Variants in EDC3 observed in about 807,000 individuals in gnomAD.
The protein encoded by EDC3 is enhancer of mRNA-decapping protein 3.
EDC3 carries 20 observed loss-of-function variants against 41.8 expected under a neutral mutation model. That is an observed-to-expected ratio of 0.48 (90% CI 0.34 to 0.70). The LOEUF is 0.70. Among genes scored for constraint, EDC3 ranks in the 30% least tolerant of loss-of-function variants. The pLI, the probability that EDC3 is intolerant of heterozygous loss-of-function variation, is 0.01. For missense variants in EDC3, 444 were observed against 636.8 expected, an observed-to-expected ratio of 0.70 and a Z score of 3.26; for synonymous variants, 206 against 243.2, an observed-to-expected ratio of 0.85 and a Z score of 1.42.
chr15:74,635,311 T>C (rs772687489), intron 6 of EDC3, 98 bp downstream of exon 6: 7 of 1,115,118 alleles, frequency 6.3e-6, no homozygotes, highest in Non-Finnish European at 9.6e-6. Context: ...CTTACACACG[T>C]AGTGCCTTTC....
chr15:74,663,739 A>C (rs2062648035), intron 3 of EDC3, among the ~76,000 whole-genome samples: 1 of 151,996 alleles, frequency 6.6e-6, no homozygotes, highest in South Asian at 2.1e-4. Context: ...TACCCACTTC[A>C]TATCATGCCA....
intron 3 of EDC3, among the ~76,000 whole-genome samples, chr15:74,662,176 AC>A (rs938809132): frequency 2.0e-5 from 3 of 152,032 alleles, no homozygotes; most frequent in African/African-American, 7.3e-5. Context: ...ATCTTTGACT[AC>A]CCTTGCTAAA....
intron 4 of EDC3, among the ~76,000 whole-genome samples, chr15:74,646,827 G>C (rs1172429662): frequency 6.6e-6 from 1 of 152,120 alleles, no homozygotes; most frequent in Non-Finnish European, 1.5e-5. Context: ...GGAAGCTATA[G>C]GATAGCATAA....
At chr15:74,686,460 C>A (rs528234715) in intron 1 of EDC3, among the ~76,000 whole-genome samples, 1 of 151,960 alleles carries the variant, frequency 6.6e-6, no homozygotes, top group Non-Finnish European at 1.5e-5. Context: ...GCACTCCAGC[C>A]TGGGCAACAA....
Position 74,632,968 on chromosome 15 carries a change from T to G in EDC3, c.1193-22A>C. 6.2e-7 allele frequency: 1 copy of G among 1,609,518 alleles called. No individual in the cohort carries two copies. Among genetic ancestry groups the G allele is most frequent in the Non-Finnish European group, 8.5e-7 (1 of 1,176,878 alleles). ...AGATCTGCAGGTGGAAAGAGTGCCA[T>G]CTGAAAGTCCCTATGAGCAGAGAGC... On this transcript the variant is annotated intron_variant, in intron 6 of 6. Coordinates refer to ENST00000315127, the MANE Select transcript of EDC3 (RefSeq NM_025083.5). The surrounding 1 kb of genome is among the most constrained non-coding windows in gnomAD (Gnocchi z 4.0).
intron 1 of EDC3, among the ~76,000 whole-genome samples, chr15:74,678,785 G>A (rs1344456532): frequency 1.3e-5 from 2 of 151,252 alleles, no homozygotes; most frequent in African/African-American, 4.9e-5. Flanking sequence ...AGCTACTCAA[G>A]AGGCTGAGGC....
intron 5 of EDC3, chr15:74,640,183 A>C (rs924255400): frequency 1.1e-5 from 4 of 356,166 alleles, no homozygotes; most frequent in Admixed American, 9.1e-5. Context: ...TCCTAGAAGG[A>C]AGGCTTCTGA....
chr15:74,646,952 A>C (rs1214125736), intron 4 of EDC3, among the ~76,000 whole-genome samples: 6 of 152,066 alleles, frequency 3.9e-5, no homozygotes, highest in Non-Finnish European at 5.9e-5. Context: ...CTGCTACAGA[A>C]CACAGTGTCT....
intron 4 of EDC3, among the ~76,000 whole-genome samples, chr15:74,652,017 T>C (rs117411324): frequency 5.3e-4 from 80 of 152,296 alleles, no homozygotes; most frequent in South Asian, 2.9e-3. Context: ...GCTGACTGCT[T>C]TGACTCCTGC....
chr15:74,647,898 C>T (rs1170827107), intron 4 of EDC3, among the ~76,000 whole-genome samples: 1 of 152,158 alleles, frequency 6.6e-6, no homozygotes, highest in African/African-American at 2.4e-5. Context: ...AGAACACCAC[C>T]CAGAATTTAT....
chr15:74,643,210 T>C (rs1309934387), intron 4 of EDC3: 2 of 152,162 alleles, frequency 1.3e-5, no homozygotes, highest in African/African-American at 2.4e-5. Context: ...AGCGTGTAAA[T>C]TGCAAACAAC....
chr15:74,641,714 A>C (rs368050738), intron 4 of EDC3: 3 of 153,066 alleles, frequency 2.0e-5, no homozygotes, highest in East Asian at 3.9e-4. Flanking sequence ...CAGCTAGATC[A>C]GGTACCTTTT....
chr15:74,667,514 CAGTAGT>C (rs56137119), intron 3 of EDC3, among the ~76,000 whole-genome samples: 3 of 119,430 alleles, frequency 2.5e-5, no homozygotes, highest in African/African-American at 3.3e-5. Context: ...GCAGCAGCAG[CAGTAGT>C]AGTAGTAGTA....
rs558488652 is a variant in EDC3, at chr15:74,677,386, T to C, written c.-18-2244A>G. The stretch of plus-strand genomic sequence containing the variant: ...TTTTTTTTTTTTTTTTTTTGGAGAC[T>C]GAGTCTCACTCTATCTTTATCGCCC... On this transcript the variant is annotated intron_variant, in intron 1 of 6. Transcript: ENST00000315127. Among the ~76,000 whole-genome samples, 15 of 141,976 alleles carry C rather than the reference T, an allele frequency of 1.1e-4. No homozygotes were observed. The East Asian group carries it at 2.7e-3, about 26-fold the overall frequency. The allele number at this position is 141,976 out of a possible 152,430, so 93.1% of individuals were successfully genotyped here.
chr15:74,672,058 G>A (rs928352454), intron 2 of EDC3, among the ~76,000 whole-genome samples: 13 of 150,936 alleles, frequency 8.6e-5, no homozygotes, highest in African/African-American at 1.7e-4. Context: ...TCAGGAGATC[G>A]AGACCATCCC....
chr15:74,633,999 G>A (rs915354952), intron 6 of EDC3, among the ~76,000 whole-genome samples: 1 of 152,144 alleles, frequency 6.6e-6, no homozygotes, highest in African/African-American at 2.4e-5. Context: ...TTCTGGTCCA[G>A]GCTTTGCCCT....
In EDC3 at chr15:74,655,868, T is replaced by G; in HGVS notation, c.685A>C (p.Ser229Arg). The G allele has an allele frequency of 6.2e-7, 1 of 1,614,178 alleles. No homozygotes were observed. The highest frequency in any genetic ancestry group is 8.5e-7 in the Non-Finnish European group (1 of 1,180,028). Residue 229 changes from serine to arginine, a missense_variant, in exon 4 of 7, where the codon AGT (serine) becomes CGT (arginine). This residue lies in a region of EDC3 where 242 missense variants were observed against 363.8 expected (regional missense o/e 0.67). Transcript: ENST00000315127. ...FEEIDTYERRSGTRSRGIPNE... is the reference protein window; with the variant it reads ...FEEIDTYERRRGTRSRGIPNE... ...GGGATGCCCCGGGAACGGGTACCACTTCTCCTTTCATAGGTATCAATCTCC... is the reference window on the plus strand; with the variant it reads ...GGGATGCCCCGGGAACGGGTACCACGTCTCCTTTCATAGGTATCAATCTCC...
At chr15:74,654,729 A>G (rs2062524490) in intron 4 of EDC3, among the ~76,000 whole-genome samples, 1 of 151,874 alleles carries the variant, frequency 6.6e-6, no homozygotes, top group African/African-American at 2.4e-5. Flanking sequence ...TCACATGGAA[A>G]GCACATGCAA....
chr15:74,688,172 C>T (rs2062960897), intron 1 of EDC3, among the ~76,000 whole-genome samples: 1 of 152,256 alleles, frequency 6.6e-6, no homozygotes, highest in Admixed American at 6.5e-5. Context: ...GAAAATTATG[C>T]TATTTACAGA....
Sources: gnomAD v4.1 joint callset for allele counts (sites outside exome capture counted in the v4.1 genomes callset) on GRCh38, gnomAD v4.1.1 for gene constraint, gnomAD v4.1.1 regional missense constraint, Gnocchi (gnomAD v3.1) non-coding constraint, MANE v1.5 for transcripts, NCBI Gene and HGNC (gene_info 2026-07-23, HGNC 2026-07-21) for gene names.